The following ANK2 variants were observed in gnomAD, a reference collection of about 807,000 sequenced individuals.
ANK2 encodes ankyrin 2, also known as ankyrin-2.
In ANK2, 83 loss-of-function variants were observed where a neutral mutation model predicts 360.5. The observed-to-expected ratio is 0.23, with a 90% CI of 0.19 to 0.28. The LOEUF (loss-of-function observed/expected upper bound fraction) is 0.28, where lower values mean the gene tolerates loss of function less well. Among genes scored for constraint, ANK2 ranks in the 10% least tolerant of loss-of-function variants. ANK2 has a pLI of 1.00. For synonymous variants in ANK2, 1,740 were observed against 1,759.5 expected, an observed-to-expected ratio of 0.99 and a Z score of 0.28; for missense variants, 4,201 against 4,795.7, an observed-to-expected ratio of 0.88 and a Z score of 3.66.
At chr4:112,836,312 C>T (rs1484802233) in intron 1 of ANK2, among the ~76,000 whole-genome samples, 2 of 152,092 alleles carry the variant, frequency 1.3e-5, no homozygotes, top group Non-Finnish European at 2.9e-5. Context: ...CTGAGGCTTC[C>T]CCAGCCATAC....
chr4:112,730,216 G>A, the ANK2 span, among the ~76,000 whole-genome samples: 4 of 128,246 alleles, frequency 3.1e-5, no homozygotes, highest in Non-Finnish European at 4.6e-5. Context: ...TTGCACCACT[G>A]CACTCCAGCC....
chr4:112,832,530 G>GTT (rs1399923297), intron 1 of ANK2, among the ~76,000 whole-genome samples: 1 of 152,222 alleles, frequency 6.6e-6, no homozygotes, highest in Non-Finnish European at 1.5e-5. Flanking sequence ...AAATTTTGTT[G>GTT]ATATGGATAA....
At chr4:113,250,286 G>T (rs2045430918) in intron 10 of ANK2, among the ~76,000 whole-genome samples, 1 of 152,060 alleles carries the variant, frequency 6.6e-6, no homozygotes, top group South Asian at 2.1e-4. Flanking sequence ...TATCTCTTAG[G>T]CAATACTAAT....
intron 36 of ANK2, among the ~76,000 whole-genome samples, chr4:113,349,602 T>A (rs2095262444): frequency 6.6e-6 from 1 of 152,132 alleles, no homozygotes; most frequent in Admixed American, 6.6e-5. Context: ...AACTGCACAG[T>A]CACTCTTTGC....
At chr4:112,947,491 T>C (rs901942138) in intron 2 of ANK2, among the ~76,000 whole-genome samples, 133 of 152,024 alleles carry the variant, frequency 8.7e-4, no homozygotes, top group African/African-American at 3.0e-3. Context: ...TTTCAGACCA[T>C]TAGAAGGTAT....
rs933148970 is a variant in ANK2, at chr4:112,831,385, C to T, written c.-40+13121C>T. Among the ~76,000 whole-genome samples, 12 of 152,344 alleles carry T rather than the reference C, an allele frequency of 7.9e-5. No homozygotes were observed. The East Asian group carries it at 1.3e-3, about 17-fold the overall frequency. Reference sequence around the variant, plus strand: ...AAACGCACCAATCAGTGCTCTGTGTCTAGCTAATCTAGTGGGGACTTGGAG... The same window carrying T: ...AAACGCACCAATCAGTGCTCTGTGTTTAGCTAATCTAGTGGGGACTTGGAG... On this transcript the variant is annotated intron_variant, in intron 1 of 30. Transcript: ENST00000503271.
chr4:113,215,876 A>T (rs1483464420), intron 4 of ANK2, among the ~76,000 whole-genome samples: 1 of 152,134 alleles, frequency 6.6e-6, no homozygotes, highest in Non-Finnish European at 1.5e-5. Context: ...CTATTATTTT[A>T]TCATAACTAA....
intron 9 of ANK2, among the ~76,000 whole-genome samples, chr4:113,249,232 T>G (rs1448196218): frequency 1.3e-5 from 2 of 152,198 alleles, no homozygotes; most frequent in South Asian, 4.1e-4. Flanking sequence ...TGCTTCACTT[T>G]TGCAAGCATT....
intron 43 of ANK2, among the ~76,000 whole-genome samples, 164 bp downstream of exon 43, chr4:113,369,969 C>T (rs1379833956): frequency 6.6e-6 from 1 of 152,200 alleles, no homozygotes; most frequent in Non-Finnish European, 1.5e-5. Context: ...AATCTGAGAG[C>T]CGATGAATCT....
intron 26 of ANK2, among the ~76,000 whole-genome samples, chr4:113,322,860 G>A (rs2087067048): frequency 6.6e-6 from 1 of 152,152 alleles, no homozygotes; most frequent in Admixed American, 6.6e-5. Flanking sequence ...TATCTAATAT[G>A]TACGGCAGTT....
At chr4:113,134,341 T>A (rs1259493183) in intron 1 of ANK2, among the ~76,000 whole-genome samples, 1 of 131,040 alleles carries the variant, frequency 7.6e-6, no homozygotes, top group Non-Finnish European at 1.6e-5. Flanking sequence ...AAGGACAAAA[T>A]TCAAAGTAAA....
intron 37 of ANK2, 25 bp from the exon 38 acceptor site, chr4:113,353,020 T>G (rs1355175048): frequency 1.2e-6 from 2 of 1,609,504 alleles, no homozygotes; most frequent in Non-Finnish European, 8.5e-7. Flanking sequence ...CATTTTACTT[T>G]CAATGTTTTT....
At chr4:112,962,752 G>T (rs898272602) in intron 2 of ANK2, among the ~76,000 whole-genome samples, 2 of 152,076 alleles carry the variant, frequency 1.3e-5, no homozygotes, top group African/African-American at 4.8e-5. Flanking sequence ...ATAGGGAGAG[G>T]ACTTTAGTAT....
At chr4:113,339,436 A>T in intron 32 of ANK2, 114 bp downstream of exon 32, 1 of 853,000 alleles carries the variant, frequency 1.2e-6, no homozygotes, top group Non-Finnish European at 1.9e-6. Flanking sequence ...ATTGGATTTT[A>T]AATATGGTCT....
intron 2 of ANK2, among the ~76,000 whole-genome samples, chr4:113,186,545 TGGATATCTTCCC>T (rs2098528437): frequency 2.1e-5 from 2 of 97,216 alleles, no homozygotes; most frequent in Admixed American, 2.7e-4. Context: ...CCTCCCCTCC[TGGATATCTTCCC>T]GTGTCTCTCT....
intron 2 of ANK2, among the ~76,000 whole-genome samples, chr4:112,969,964 T>C (rs2038854131): frequency 6.6e-6 from 1 of 152,126 alleles, no homozygotes; most frequent in South Asian, 2.1e-4. Context: ...ACAATACTGT[T>C]AATCTAGAGA....
At chr4:113,009,314 G>A (rs2053959467) in intron 2 of ANK2, among the ~76,000 whole-genome samples, 1 of 152,026 alleles carries the variant, frequency 6.6e-6, no homozygotes, top group African/African-American at 2.4e-5. Context: ...TTTGAAAACT[G>A]TTTTAAATAT....
intron 2 of ANK2, among the ~76,000 whole-genome samples, chr4:112,955,859 T>C (rs185422458): frequency 3.1e-4 from 47 of 152,344 alleles, no homozygotes; most frequent in Non-Finnish European, 5.9e-5. Flanking sequence ...AATTTTCTTA[T>C]AGCAAGTATA....
At chr4:112,795,460 A>C in the ANK2 span, among the ~76,000 whole-genome samples, 1 of 152,126 alleles carries the variant, frequency 6.6e-6, no homozygotes, top group African/African-American at 2.4e-5. Context: ...AAAGTTAGAT[A>C]AATGTCAAGA....
Sources: allele counts gnomAD v4.1 joint callset (sites outside exome capture counted in the v4.1 genomes callset), GRCh38; gene constraint gnomAD v4.1.1; transcripts MANE v1.5; gene names NCBI Gene and HGNC (gene_info 2026-07-23, HGNC 2026-07-21).